WWOX: variants seen among roughly 807,000 people sequenced by gnomAD.
WWOX encodes the protein WW domain containing oxidoreductase.
Under a neutral mutation model 46.2 loss-of-function variants are expected in WWOX, and 69 were observed. The ratio of observed to expected loss-of-function variants is 1.49; its 90% CI spans 1.23 to 1.82. The LOEUF (loss-of-function observed/expected upper bound fraction) is 1.82, where lower values mean the gene tolerates loss of function less well. WWOX is among the 40% of genes most tolerant of loss of function. WWOX has a pLI of 0.00. For missense variants in WWOX, 919 were observed against 542.6 expected, an observed-to-expected ratio of 1.69 and a Z score of -6.89; for synonymous variants, 359 against 202.6, an observed-to-expected ratio of 1.77 and a Z score of -6.56.
chr16:78,123,130 A>T (rs1032089621), intron 4 of WWOX: 1 of 152,120 alleles, frequency 6.6e-6, no homozygotes, highest in African/African-American at 2.4e-5. Context: ...ATGAAGTTCA[A>T]ACTGAAGACT....
At chr16:78,441,540 C>T (rs11863844) in intron 8 of WWOX, among the ~76,000 whole-genome samples, 9,781 of 152,020 alleles carry the variant, frequency 0.064, 484 homozygotes, top group South Asian at 0.16. Flanking sequence ...ACGTATCCAG[C>T]GGTGTGGGTA....
At chr16:78,515,908 A>C (rs760910691) in intron 8 of WWOX, among the ~76,000 whole-genome samples, 30 of 152,082 alleles carry the variant, frequency 2.0e-4, no homozygotes, top group Non-Finnish European at 4.1e-4. Flanking sequence ...GGCCCATGTG[A>C]AATTTTGTTA....
intron 8 of WWOX, among the ~76,000 whole-genome samples, chr16:79,020,407 G>A (rs1466012310): frequency 3.3e-5 from 5 of 152,120 alleles, no homozygotes; most frequent in Non-Finnish European, 5.9e-5. Flanking sequence ...ATCACCATGA[G>A]CGATAACTTA....
chr16:78,567,327 C>T (rs1036283660), intron 8 of WWOX, among the ~76,000 whole-genome samples: 105 of 151,604 alleles, frequency 6.9e-4, no homozygotes, highest in Non-Finnish European at 1.2e-4. Context: ...GGGTGGATCA[C>T]GAGGTCAGGA....
At chr16:78,378,501 A>G (rs1371867043) in intron 5 of WWOX, among the ~76,000 whole-genome samples, 3 of 152,186 alleles carry the variant, frequency 2.0e-5, no homozygotes, top group Admixed American at 6.5e-5. Context: ...CTTAAATAAT[A>G]TTAGAGGAAT....
chr16:78,384,884 C>G (rs1191424389), intron 5 of WWOX, among the ~76,000 whole-genome samples: 1 of 152,102 alleles, frequency 6.6e-6, no homozygotes, highest in East Asian at 1.9e-4. Context: ...GCCTGTAATC[C>G]TAGCACTTTC....
At chr16:78,933,178 C>T (rs1225935117) in intron 8 of WWOX, among the ~76,000 whole-genome samples, 3 of 152,222 alleles carry the variant, frequency 2.0e-5, no homozygotes, top group South Asian at 2.1e-4. Flanking sequence ...GTGGCTCACG[C>T]CTGTAATCCC....
intron 8 of WWOX, among the ~76,000 whole-genome samples, chr16:78,875,605 G>T (rs1330771139): frequency 2.0e-5 from 3 of 152,122 alleles, no homozygotes; most frequent in African/African-American, 7.2e-5. Context: ...ATCTCAAGGT[G>T]AGTATCGTCA....
chr16:79,194,249 A>G (rs1406501456), intron 8 of WWOX, among the ~76,000 whole-genome samples: 4 of 152,356 alleles, frequency 2.6e-5, no homozygotes, highest in Admixed American at 2.0e-4. Flanking sequence ...TTGTTTATCC[A>G]TCAACTGAGT....
At chr16:78,542,925 C>G (rs938457699) in intron 8 of WWOX, among the ~76,000 whole-genome samples, 1 of 152,134 alleles carries the variant, frequency 6.6e-6, no homozygotes. Context: ...TTTCTGTAGC[C>G]AGAACCAATA....
intron 8 of WWOX, among the ~76,000 whole-genome samples, chr16:79,015,075 T>C (rs1017147204): frequency 2.6e-5 from 4 of 152,168 alleles, no homozygotes; most frequent in Non-Finnish European, 5.9e-5. Flanking sequence ...TGAACCTCTG[T>C]CTTTCAAATT....
chr16:78,448,356 G>C (rs2083610353), intron 8 of WWOX, among the ~76,000 whole-genome samples: 1 of 152,130 alleles, frequency 6.6e-6, no homozygotes, highest in Admixed American at 6.5e-5. Flanking sequence ...TATTTAGCAG[G>C]TTAATACAAT....
chr16:79,184,103 A>G (rs1034379001), intron 8 of WWOX, among the ~76,000 whole-genome samples: 1 of 152,204 alleles, frequency 6.6e-6, no homozygotes, highest in Non-Finnish European at 1.5e-5. Context: ...AGTGGCAGCA[A>G]TTGCCAGCAC....
At chr16:78,906,850 T>C (rs11861377) in intron 8 of WWOX, among the ~76,000 whole-genome samples, 32,914 of 152,180 alleles carry the variant, frequency 0.22, 3,730 homozygotes, top group East Asian at 0.27. Flanking sequence ...AAGTTAGGAA[T>C]AATATGTCAA....
At chr16:78,232,878 T>G (rs571862045) in intron 5 of WWOX, among the ~76,000 whole-genome samples, 7 of 152,108 alleles carry the variant, frequency 4.6e-5, no homozygotes, top group Admixed American at 4.6e-4. Context: ...AGTCTCGCTC[T>G]GTCACCGGGC....
At chr16:78,780,288 G>T (rs894505245) in intron 8 of WWOX, 1 of 152,152 alleles carries the variant, frequency 6.6e-6, no homozygotes, top group African/African-American at 2.4e-5. Flanking sequence ...TGTCTTCCCC[G>T]ACTCAAGAAG....
chr16:78,394,379 T>A (rs2082242431), intron 6 of WWOX, among the ~76,000 whole-genome samples: 1 of 151,772 alleles, frequency 6.6e-6, no homozygotes, highest in African/African-American at 2.4e-5. Flanking sequence ...ACAAGTTAAA[T>A]TTTTTTTTCT....
At chr16:78,983,920 C>T (rs1045453141) in intron 8 of WWOX, among the ~76,000 whole-genome samples, 1 of 120,466 alleles carries the variant, frequency 8.3e-6, no homozygotes, top group African/African-American at 3.0e-5. Flanking sequence ...CTCTGTTACC[C>T]AGGCTGGAGT....
intron 8 of WWOX, among the ~76,000 whole-genome samples, chr16:78,670,046 A>G (rs1597421376): frequency 1.3e-5 from 2 of 152,080 alleles, no homozygotes; most frequent in African/African-American, 4.8e-5. Context: ...AGGAAGAGGG[A>G]ATGAATGGTG....
Sources: allele counts gnomAD v4.1 joint callset (sites outside exome capture counted in the v4.1 genomes callset), GRCh38; gene constraint gnomAD v4.1.1; transcripts MANE v1.5; gene names NCBI Gene and HGNC (gene_info 2026-07-23, HGNC 2026-07-21).